Variants in SPMIP2 observed in about 807,000 individuals in gnomAD.
SPMIP2 encodes sperm microtubule inner protein 2, also known as protein SPMIP2.
At chr4:158,981,920 C>A in the SPMIP2 span, among the ~76,000 whole-genome samples, 4 of 148,676 alleles carry the variant, frequency 2.7e-5, no homozygotes, top group Non-Finnish European at 6.0e-5. Flanking sequence ...AATTAAAAGA[C>A]ACAAGACTGG....
the SPMIP2 span, among the ~76,000 whole-genome samples, chr4:159,076,705 T>C: frequency 1.3e-3 from 204 of 152,328 alleles, 1 homozygote; most frequent in Non-Finnish European, 2.0e-3. Context: ...TCTTGCTCTG[T>C]TGCCCAGGTT....
the SPMIP2 span, among the ~76,000 whole-genome samples, chr4:158,923,241 C>T: frequency 1.3e-5 from 2 of 152,078 alleles, no homozygotes; most frequent in Admixed American, 1.3e-4. Flanking sequence ...TTCTGGATCC[C>T]TTATATTTCC....
At chr4:159,019,489 T>C in the SPMIP2 span, among the ~76,000 whole-genome samples, 1 of 152,046 alleles carries the variant, frequency 6.6e-6, no homozygotes, top group Non-Finnish European at 1.5e-5. Flanking sequence ...TGCGGGAACT[T>C]TGCCCAGTAC....
At chr4:158,917,106 C>T in the SPMIP2 span, among the ~76,000 whole-genome samples, 3 of 152,180 alleles carry the variant, frequency 2.0e-5, no homozygotes, top group African/African-American at 4.8e-5. Flanking sequence ...AAAAATTAGC[C>T]AGGTGTAATG....
At chr4:159,064,880 T>G in the SPMIP2 span, among the ~76,000 whole-genome samples, 95 of 152,336 alleles carry the variant, frequency 6.2e-4, 1 homozygote, top group East Asian at 3.5e-3. Context: ...AATACACATG[T>G]GTATTGAGGG....
the SPMIP2 span, among the ~76,000 whole-genome samples, chr4:159,073,700 C>T: frequency 6.6e-6 from 1 of 152,096 alleles, no homozygotes; most frequent in Non-Finnish European, 1.5e-5. Flanking sequence ...CAAAATACGT[C>T]CTAAGAAAAA....
the SPMIP2 span, among the ~76,000 whole-genome samples, chr4:158,967,179 T>C: frequency 6.6e-6 from 1 of 152,224 alleles, no homozygotes; most frequent in Non-Finnish European, 1.5e-5. Flanking sequence ...ATTGTTTCCT[T>C]CAATGTATTT....
chr4:159,077,412 C>T, the SPMIP2 span, among the ~76,000 whole-genome samples: 1 of 152,178 alleles, frequency 6.6e-6, no homozygotes, highest in Non-Finnish European at 1.5e-5. Context: ...TCCCAAAGTG[C>T]TGGGATTACA....
the SPMIP2 span, among the ~76,000 whole-genome samples, chr4:158,971,066 C>G: frequency 2.6e-5 from 4 of 152,216 alleles, no homozygotes; most frequent in Non-Finnish European, 5.9e-5. Context: ...CAGCTATCAT[C>G]TCTTTTGGAT....
the SPMIP2 span, among the ~76,000 whole-genome samples, chr4:158,949,171 AT>A: frequency 2.6e-5 from 4 of 152,224 alleles, no homozygotes; most frequent in African/African-American, 9.6e-5. Context: ...TAATAGATAT[AT>A]TTGCTTCATT....
chr4:158,960,203 T>A, the SPMIP2 span: 5 of 846,954 alleles, frequency 5.9e-6, no homozygotes, highest in Non-Finnish European at 7.5e-6. Context: ...GTTAATATAC[T>A]TAAAAGTTTA....
At chr4:158,983,682 G>A in the SPMIP2 span, among the ~76,000 whole-genome samples, 3 of 86,214 alleles carry the variant, frequency 3.5e-5, no homozygotes. Context: ...ACCAGCCACT[G>A]CAAAATCATG....
At chr4:159,020,988 C>G in the SPMIP2 span, among the ~76,000 whole-genome samples, 2 of 152,244 alleles carry the variant, frequency 1.3e-5, no homozygotes, top group African/African-American at 4.8e-5. Flanking sequence ...GTCTCGATCT[C>G]CTGACCTCGT....
the SPMIP2 span, among the ~76,000 whole-genome samples, chr4:158,957,432 CT>C: frequency 1.3e-5 from 2 of 151,494 alleles, no homozygotes; most frequent in Non-Finnish European, 2.9e-5. Flanking sequence ...ACTCACCTAC[CT>C]TTTTTCTTTT....
chr4:158,911,919 G>A, the SPMIP2 span, among the ~76,000 whole-genome samples: 2 of 152,038 alleles, frequency 1.3e-5, no homozygotes, highest in African/African-American at 4.8e-5. Flanking sequence ...TGTTAAAAGT[G>A]TCTATCATAT....
the SPMIP2 span, among the ~76,000 whole-genome samples, chr4:159,008,243 A>C: frequency 6.6e-6 from 1 of 152,212 alleles, no homozygotes; most frequent in Non-Finnish European, 1.5e-5. Context: ...TGTAAGGTGG[A>C]GGATAACATA....
chr4:159,068,841 G>C, the SPMIP2 span, among the ~76,000 whole-genome samples: 1 of 152,120 alleles, frequency 6.6e-6, no homozygotes, highest in African/African-American at 2.4e-5. Flanking sequence ...TATTTACAAA[G>C]CAATGATAAT....
At chr4:158,947,995 C>T in the SPMIP2 span, among the ~76,000 whole-genome samples, 3 of 152,208 alleles carry the variant, frequency 2.0e-5, no homozygotes, top group Admixed American at 6.5e-5. Context: ...ATCCCCTTCT[C>T]TCCCTGCTCC....
At chr4:158,993,445 T>G in the SPMIP2 span, among the ~76,000 whole-genome samples, 2 of 151,930 alleles carry the variant, frequency 1.3e-5, no homozygotes, top group Non-Finnish European at 2.9e-5. Context: ...ATTCCATCCC[T>G]GAAGCAAATG....
Sources: gnomAD v4.1 joint callset for allele counts (sites outside exome capture counted in the v4.1 genomes callset) on GRCh38, gnomAD v4.1.1 for gene constraint, MANE v1.5 for transcripts, NCBI Gene and HGNC (gene_info 2026-07-23, HGNC 2026-07-21) for gene names.